DLG2: variants seen among roughly 807,000 people sequenced by gnomAD.
DLG2 encodes disks large homolog 2.
Under a neutral mutation model 132.5 loss-of-function variants are expected in DLG2, and 45 were observed. The ratio of observed to expected loss-of-function variants is 0.34; its 90% CI spans 0.27 to 0.44. DLG2 has a LOEUF of 0.44. Among genes scored for constraint, DLG2 ranks in the 20% least tolerant of loss-of-function variants. DLG2 has a pLI of 1.00. For missense variants in DLG2, 1,045 were observed against 1,196.9 expected, an observed-to-expected ratio of 0.87 and a Z score of 1.87; for synonymous variants, 424 against 419.6, an observed-to-expected ratio of 1.01 and a Z score of -0.13.
intron 6 of DLG2, among the ~76,000 whole-genome samples, chr11:84,624,619 T>A (rs932503238): frequency 1.3e-5 from 2 of 151,692 alleles, no homozygotes; most frequent in African/African-American, 4.9e-5. Flanking sequence ...AGCTTCACTA[T>A]CATTCCCATT....
chr11:85,186,447 T>C (rs1233001871), intron 4 of DLG2, among the ~76,000 whole-genome samples: 3 of 152,046 alleles, frequency 2.0e-5, no homozygotes, highest in Non-Finnish European at 2.9e-5. Flanking sequence ...CAGCTTTAAC[T>C]CATGCCTGAT....
chr11:83,655,286 A>T (rs540613250), intron 18 of DLG2, among the ~76,000 whole-genome samples: 54 of 152,400 alleles, frequency 3.5e-4, no homozygotes, highest in African/African-American at 1.2e-3. Context: ...GAAGAAAAGA[A>T]TGAAAGACAA....
intron 18 of DLG2, among the ~76,000 whole-genome samples, chr11:83,692,231 CATG>C (rs1157423910): frequency 1.3e-5 from 2 of 152,170 alleles, no homozygotes; most frequent in African/African-American, 4.8e-5. Context: ...CAAATCATGG[CATG>C]ATATGACTGG....
intron 6 of DLG2, among the ~76,000 whole-genome samples, chr11:84,809,960 GAA>G (rs1287420748): frequency 6.6e-6 from 1 of 151,922 alleles, no homozygotes; most frequent in Non-Finnish European, 1.5e-5. Flanking sequence ...AAAAGTCACT[GAA>G]AGAGAAATAA....
chr11:84,541,475 G>A (rs2099370190), intron 6 of DLG2, among the ~76,000 whole-genome samples: 1 of 151,908 alleles, frequency 6.6e-6, no homozygotes, highest in African/African-American at 2.4e-5. Context: ...AGCATTCTCT[G>A]ACTTCAAAGG....
At chr11:84,121,541 A>ATTTTTTTTTTTTTTTTTT (rs869183421) in intron 9 of DLG2, among the ~76,000 whole-genome samples, 10 of 66,670 alleles carry the variant, frequency 1.5e-4, no homozygotes, top group Non-Finnish European at 2.0e-4. Context: ...TTCCTTGCTA[A>ATTTTTTTTTTTTTTTTTT]TTTTTTTTTT....
intron 18 of DLG2, among the ~76,000 whole-genome samples, chr11:83,656,853 T>A (rs2072610894): frequency 6.6e-6 from 1 of 152,204 alleles, no homozygotes; most frequent in Non-Finnish European, 1.5e-5. Flanking sequence ...CACTCACTGA[T>A]GCAGAGGCCA....
chr11:84,596,784 C>G (rs985054823), intron 6 of DLG2, among the ~76,000 whole-genome samples: 3 of 152,092 alleles, frequency 2.0e-5, no homozygotes, highest in Non-Finnish European at 4.4e-5. Context: ...GAAAACGAAA[C>G]TGAGGTTGAA....
chr11:83,973,674 G>A (rs188085391), intron 12 of DLG2, among the ~76,000 whole-genome samples: 6 of 152,030 alleles, frequency 3.9e-5, no homozygotes, highest in African/African-American at 7.2e-5. Flanking sequence ...TTCTTAACCC[G>A]GCTGCACATT....
At chr11:83,699,492 C>T (rs371521890) in intron 18 of DLG2, among the ~76,000 whole-genome samples, 57 of 149,862 alleles carry the variant, frequency 3.8e-4, no homozygotes, top group African/African-American at 1.3e-3. Context: ...GTCAGGAGAT[C>T]GAGACCATCC....
intron 3 of DLG2, among the ~76,000 whole-genome samples, chr11:85,518,702 G>T (rs1019364990): frequency 6.6e-6 from 1 of 152,164 alleles, no homozygotes; most frequent in Non-Finnish European, 1.5e-5. Context: ...AAGACAATGG[G>T]GAAAAATGTC....
intron 6 of DLG2, among the ~76,000 whole-genome samples, chr11:84,977,050 C>T (rs2055007209): frequency 6.7e-6 from 1 of 149,388 alleles, no homozygotes; most frequent in Non-Finnish European, 1.5e-5. Context: ...ACCTGTGCCT[C>T]TTTTTTTTTC....
rs577161392 is a variant in DLG2, at chr11:85,592,027, T to C, written c.40+6630A>G. ...TTTACATTTTATATAAAACCTTCTCTAGCAACAACAATGTACAATAAGCCC... is the reference window on the plus strand; with the variant it reads ...TTTACATTTTATATAAAACCTTCTCCAGCAACAACAATGTACAATAAGCCC... On this transcript the variant is annotated intron_variant, in intron 3 of 27. Coordinates refer to ENST00000376104, the MANE Select transcript of DLG2 (RefSeq NM_001142699.3). Among the ~76,000 whole-genome samples the C allele has an allele frequency of 3.0e-4, 46 of 152,344 alleles. 1 individual carries two copies. The South Asian group carries it at 8.5e-3, about 28-fold the overall frequency.
At chr11:84,036,634 T>C (rs1203454380) in intron 11 of DLG2, among the ~76,000 whole-genome samples, 1 of 152,150 alleles carries the variant, frequency 6.6e-6, no homozygotes, top group East Asian at 1.9e-4. Context: ...CCAGATAATT[T>C]TTATTTTTAA....
intron 3 of DLG2, among the ~76,000 whole-genome samples, chr11:85,474,110 A>G (rs1285936452): frequency 6.6e-6 from 1 of 152,056 alleles, no homozygotes. Context: ...TACTGGCAGT[A>G]AAAGTGTGAA....
chr11:85,511,215 C>T (rs1422949692), intron 3 of DLG2, among the ~76,000 whole-genome samples: 2 of 151,750 alleles, frequency 1.3e-5, no homozygotes, highest in East Asian at 1.9e-4. Context: ...CACACCGGGG[C>T]CTGTTGTGGG....
At chr11:85,008,864 A>G (rs2058919646) in intron 6 of DLG2, among the ~76,000 whole-genome samples, 1 of 152,108 alleles carries the variant, frequency 6.6e-6, no homozygotes, top group Non-Finnish European at 1.5e-5. Context: ...GAAATATAAA[A>G]AGAAAATAAT....
At chr11:85,220,103 A>G (rs930250463) in intron 4 of DLG2, among the ~76,000 whole-genome samples, 2 of 152,102 alleles carry the variant, frequency 1.3e-5, no homozygotes, top group East Asian at 3.9e-4. Flanking sequence ...GCATACAAAA[A>G]TCTCTGCCCT....
intron 3 of DLG2, among the ~76,000 whole-genome samples, chr11:85,506,136 G>A (rs966237726): frequency 1.3e-5 from 2 of 151,654 alleles, no homozygotes; most frequent in Non-Finnish European, 2.9e-5. Flanking sequence ...CTGGCTAGTG[G>A]TCTATTTTGT....
Sources: allele counts gnomAD v4.1 joint callset (sites outside exome capture counted in the v4.1 genomes callset), GRCh38; gene constraint gnomAD v4.1.1; transcripts MANE v1.5; gene names NCBI Gene and HGNC (gene_info 2026-07-23, HGNC 2026-07-21).